MAPKAPK5: variants seen among roughly 807,000 people sequenced by gnomAD.
MAPKAPK5 encodes MAP kinase-activated protein kinase 5.
MAPKAPK5 carries 30 observed loss-of-function variants against 65.1 expected under a neutral mutation model. The ratio of observed to expected loss-of-function variants is 0.46; its 90% confidence interval spans 0.34 to 0.63. The LOEUF (loss-of-function observed/expected upper bound fraction) is 0.63, where lower values mean the gene tolerates loss of function less well. Ranked by LOEUF, MAPKAPK5 falls within the 20% of genes least tolerant of loss-of-function variation. The pLI is 0.01. For missense variants in MAPKAPK5, 433 were observed against 581.4 expected (o/e 0.74, Z 2.63); for synonymous variants, 179 against 204.6 (o/e 0.87, Z 1.07).
chr12:111,847,691 A>C (rs544400090), intron 1 of MAPKAPK5, among the ~76,000 whole-genome samples: 3 of 152,348 alleles, frequency 2.0e-5, no homozygotes, highest in South Asian at 4.1e-4. Flanking sequence ...AGTAATTTTT[A>C]GTAAATTTAT....
chr12:111,858,758 G>T (rs2069330849), intron 1 of MAPKAPK5, among the ~76,000 whole-genome samples: 1 of 146,156 alleles, frequency 6.8e-6, no homozygotes. Context: ...GGCCGGGCTG[G>T]TCTCGAGCTC....
intron 6 of MAPKAPK5, 27 bp from the exon 7 acceptor site, chr12:111,871,058 A>G: frequency 1.3e-6 from 2 of 1,566,354 alleles, no homozygotes; most frequent in Non-Finnish European, 1.8e-6. Context: ...ACTCTGGAGC[A>G]GTGACTCCTT....
chr12:111,877,761 G>C (rs1212220716), intron 7 of MAPKAPK5, among the ~76,000 whole-genome samples: 1 of 152,076 alleles, frequency 6.6e-6, no homozygotes, highest in Admixed American at 6.5e-5. Context: ...ACTCACTGTA[G>C]CCTCAACCTC....
intron 10 of MAPKAPK5, 186 bp from the exon 11 acceptor site, chr12:111,888,302 G>C (rs1368159694): frequency 1.5e-6 from 1 of 677,710 alleles, no homozygotes; most frequent in Non-Finnish European, 2.3e-6. Flanking sequence ...GGTTGGCCTG[G>C]TGTTTCCTGG....
At chr12:111,862,493 G>C (rs1435868659) in intron 1 of MAPKAPK5, among the ~76,000 whole-genome samples, 2 of 152,156 alleles carry the variant, frequency 1.3e-5, no homozygotes, top group East Asian at 1.9e-4. Context: ...CTGAGGTCAG[G>C]AGTTCAAGAC....
chr12:111,855,936 ACCTC>A (rs2069225357), intron 1 of MAPKAPK5, among the ~76,000 whole-genome samples: 2 of 148,806 alleles, frequency 1.3e-5, no homozygotes, highest in Admixed American at 1.3e-4. Flanking sequence ...GTTCACCGCA[ACCTC>A]TGCCTCCCAG....
intron 7 of MAPKAPK5, chr12:111,879,497 C>G (rs1374391479): frequency 1.4e-5 from 2 of 148,056 alleles, no homozygotes; most frequent in Non-Finnish European, 3.0e-5. Context: ...TCAAGTGATT[C>G]TTCTGCCTCA....
intron 8 of MAPKAPK5, 82 bp downstream of exon 8, chr12:111,880,609 G>A: frequency 8.2e-7 from 1 of 1,213,826 alleles, no homozygotes; most frequent in Non-Finnish European, 1.2e-6. Context: ...CTGGGAGTGT[G>A]GCCAATTCCT....
intron 7 of MAPKAPK5, among the ~76,000 whole-genome samples, chr12:111,874,336 A>T (rs959051500): frequency 6.6e-6 from 1 of 151,738 alleles, no homozygotes; most frequent in African/African-American, 2.4e-5. Context: ...TGGAGGCTGC[A>T]GTTAGTCGAG....
At chr12:111,878,715 C>T (rs756879523) in intron 7 of MAPKAPK5, among the ~76,000 whole-genome samples, 12 of 152,048 alleles carry the variant, frequency 7.9e-5, no homozygotes, top group Non-Finnish European at 1.0e-4. Context: ...CACCATGCCC[C>T]GCCTTAATTT....
Position 111,883,792 on chromosome 12 carries a change from TGGAGGCCAA to T in MAPKAPK5, c.848+32_848+40del. The T allele has an allele frequency of 6.2e-7, 1 of 1,607,924 alleles. No homozygotes were observed. The highest frequency in any genetic ancestry group is 2.2e-5 in the East Asian group (1 of 44,806). On this transcript the variant is annotated intron_variant, in intron 9 of 13. Transcript: ENST00000550735. This position sits in a 1 kb window ranked among gnomAD's most constrained non-coding sequence, Gnocchi z 4.8. ...AAGTGAGTTCACGGGCTGCTGGGCATGGAGGCCAAGGAGGCCTCCAGGTGGTGGAGCACA... is the reference window on the plus strand; with the variant it reads ...AAGTGAGTTCACGGGCTGCTGGGCATGGAGGCCTCCAGGTGGTGGAGCACA...
chr12:111,859,255 T>C (rs1259416618), intron 1 of MAPKAPK5, among the ~76,000 whole-genome samples: 2 of 148,664 alleles, frequency 1.3e-5, no homozygotes, highest in Non-Finnish European at 3.0e-5. Flanking sequence ...TCCTTTGGTG[T>C]GCTAATGTCT....
At chr12:111,889,050 G>A in intron 12 of MAPKAPK5, 50 bp downstream of exon 12, 3 of 1,543,604 alleles carry the variant, frequency 1.9e-6, no homozygotes, top group Non-Finnish European at 2.6e-6. Flanking sequence ...GAGTGTGTGT[G>A]TGCAGGGGTG....
rs1008163571 is a variant in MAPKAPK5, at chr12:111,883,389, AAAAG to A, written c.661-180_661-177del. ...AGCAAGACTCTGTCTCAAAGAAAAA[AAAAG>A]AAAGAAAGAAAATATGGAGATAAAG... On this transcript the variant is annotated intron_variant, in intron 8 of 13. Transcript: ENST00000550735. This position sits in a 1 kb window ranked among gnomAD's most constrained non-coding sequence, Gnocchi z 4.8. Among the ~76,000 whole-genome samples, 45 of 152,244 alleles carry A rather than the reference AAAAG, an allele frequency of 3.0e-4. No individual in the cohort carries two copies. The highest frequency in any genetic ancestry group is 5.6e-4 in the Non-Finnish European group (38 of 68,012).
Position 111,896,549 on chromosome 12 carries a change from A to C in MAPKAPK5, c.*3488A>C, listed in dbSNP as rs994993192. On this transcript the variant is annotated 3_prime_UTR_variant, in exon 14 of 14. Coordinates refer to ENST00000550735, the MANE Select transcript of MAPKAPK5 (RefSeq NM_003668.4). The stretch of plus-strand genomic sequence containing the variant: ...GGTTTGCTACTCGAAATTTGCACAT[A>C]ACTGGAAGTGAAACGATATCTTTCT... 1 of 152,210 alleles carries C rather than the reference A, an allele frequency of 6.6e-6. No homozygotes were observed. The highest frequency in any genetic ancestry group is 1.5e-5 in the Non-Finnish European group (1 of 68,042). The allele number at this position is 152,210 out of a possible 1,614,324, so 9.4% of individuals were successfully genotyped here.
chr12:111,889,050 G>T, intron 12 of MAPKAPK5, 50 bp downstream of exon 12: 1 of 1,543,604 alleles, frequency 6.5e-7, no homozygotes, highest in South Asian at 1.2e-5. Flanking sequence ...GAGTGTGTGT[G>T]TGCAGGGGTG....
chr12:111,899,921 T>G lies in MAPKAPK5; in HGVS notation c.*6860T>G, dbSNP rs1259572449. ...AACAAGGGAGCAGGAAGCCTCATGA[T>G]CTACAGGCACTGTCCTACTTGTGGT... On this transcript the variant is annotated 3_prime_UTR_variant, in exon 14 of 14. Coordinates refer to ENST00000550735, the MANE Select transcript of MAPKAPK5 (RefSeq NM_003668.4). 3 of 455,978 alleles carry G rather than the reference T, an allele frequency of 6.6e-6. No individual in the cohort carries two copies. The highest frequency in any genetic ancestry group is 1.3e-5 in the Non-Finnish European group (3 of 226,806). 28.2% of individuals were successfully genotyped at this position (455,978 alleles called of 1,614,324 possible). A position where few individuals can be genotyped will look rare whatever the true frequency, so the allele number is the denominator to read the frequency against.
At chr12:111,877,944 A>G (rs2070046000) in intron 7 of MAPKAPK5, among the ~76,000 whole-genome samples, 1 of 151,332 alleles carries the variant, frequency 6.6e-6, no homozygotes, top group East Asian at 1.9e-4. Context: ...CTCCTGCCTC[A>G]GCCTCCTAAC....
chr12:111,886,000 TA>T lies in MAPKAPK5; in HGVS notation c.935del (p.Asn312MetfsTer8). ...PWLNSTEALD[N>X]VLPSAQLMMD... The stretch of plus-strand genomic sequence containing the variant: ...GGCTCAATTCCACCGAGGCCCTGGA[TA>T]ATGTGCTGCCTTCTGCTCAGCTGAT... On this transcript the variant is annotated frameshift_variant, in exon 10 of 14. Coordinates refer to ENST00000550735, the MANE Select transcript of MAPKAPK5 (RefSeq NM_003668.4). LOFTEE classifies it high-confidence loss of function. The T allele has an allele frequency of 1.2e-6, 2 of 1,613,908 alleles. No homozygotes were observed. The highest frequency in any genetic ancestry group is 1.7e-6 in the Non-Finnish European group (2 of 1,179,850).
Sources: allele counts gnomAD v4.1 joint callset (sites outside exome capture counted in the v4.1 genomes callset), GRCh38; gene constraint gnomAD v4.1.1; non-coding constraint Gnocchi (gnomAD v3.1); transcripts MANE v1.5; gene names NCBI Gene and HGNC (gene_info 2026-07-23, HGNC 2026-07-21).